HCRTR2: variants seen among roughly 807,000 people sequenced by gnomAD.
HCRTR2 encodes the protein orexin receptor type 2.
HCRTR2 carries 22 observed loss-of-function variants against 49.0 expected under a neutral mutation model. That is an observed-to-expected ratio of 0.45 (90% CI 0.32 to 0.64). HCRTR2 has a LOEUF of 0.64. HCRTR2 is among the 30% of genes least tolerant of loss of function. The probability of loss-of-function intolerance (pLI) is 0.04; values close to 1 mark genes in which losing one functional copy is unlikely to be tolerated. For synonymous variants in HCRTR2, 236 were observed against 205.3 expected, an observed-to-expected ratio of 1.15 and a Z score of -1.28; for missense variants, 491 against 559.4, an observed-to-expected ratio of 0.88 and a Z score of 1.23.
At chr6:55,223,815 C>T (rs1466860103) in intron 1 of HCRTR2, among the ~76,000 whole-genome samples, 1 of 151,986 alleles carries the variant, frequency 6.6e-6, no homozygotes, top group Non-Finnish European at 1.5e-5. Flanking sequence ...CTTCTTTTAC[C>T]TAATCAGCCA....
intron 1 of HCRTR2, among the ~76,000 whole-genome samples, chr6:55,231,387 A>G: frequency 6.6e-6 from 1 of 152,192 alleles, no homozygotes; most frequent in East Asian, 1.9e-4. Context: ...CATATAAAAT[A>G]CACTGCATTA....
intron 2 of HCRTR2, among the ~76,000 whole-genome samples, chr6:55,251,561 GA>G (rs1197432684): frequency 1.3e-5 from 2 of 151,618 alleles, no homozygotes; most frequent in Admixed American, 6.6e-5. Context: ...GAAAATGCCA[GA>G]AAAAAAAGAA....
intron 3 of HCRTR2, among the ~76,000 whole-genome samples, chr6:55,257,145 C>G (rs1359572141): frequency 1.3e-5 from 2 of 151,962 alleles, no homozygotes; most frequent in African/African-American, 4.8e-5. Context: ...GTTTCTGGAA[C>G]ATAGGGGCAG....
At chr6:55,145,863 C>G (rs974062429) in intron 1 of HCRTR2, among the ~76,000 whole-genome samples, 7 of 152,076 alleles carry the variant, frequency 4.6e-5, no homozygotes, top group African/African-American at 1.7e-4. Flanking sequence ...TTGGAGCTCT[C>G]TTTCCCCATA....
intron 1 of HCRTR2, among the ~76,000 whole-genome samples, chr6:55,147,330 T>C (rs1209766204): frequency 6.6e-6 from 1 of 152,170 alleles, no homozygotes; most frequent in Non-Finnish European, 1.5e-5. Flanking sequence ...CTAGTGAATG[T>C]ACAAGGGGAA....
At position 55,176,331 on chromosome 6, in the gene HCRTR2, A is replaced by C. The variant is rs370044656; in HGVS notation, c.223+1521A>C. 2.6e-4 allele frequency among the ~76,000 whole-genome samples: 40 copies of C among 152,324 alleles called. No homozygotes were observed. In the South Asian group the frequency reaches 7.7e-3, roughly 29 times the overall value. On this transcript the variant is annotated intron_variant, in intron 1 of 6. Coordinates refer to ENST00000370862, the MANE Select transcript of HCRTR2 (RefSeq NM_001384272.1). ...AAAATAAAGGAAATCTTTTTGGGAT[A>C]CTAACAAAATGAAACAAAAGTGGAA...
intron 1 of HCRTR2, among the ~76,000 whole-genome samples, chr6:55,242,397 T>A (rs1435680428): frequency 6.6e-6 from 1 of 151,576 alleles, no homozygotes; most frequent in Non-Finnish European, 1.5e-5. Context: ...GAAAAAAAAA[T>A]CTACTTTCTA....
At chr6:55,233,830 A>G (rs1766162836) in intron 1 of HCRTR2, among the ~76,000 whole-genome samples, 1 of 152,236 alleles carries the variant, frequency 6.6e-6, no homozygotes. Context: ...AACATGATTT[A>G]ATATTATTTA....
chr6:55,200,410 G>A (rs1339861891), intron 1 of HCRTR2, among the ~76,000 whole-genome samples: 2 of 151,848 alleles, frequency 1.3e-5, no homozygotes, highest in South Asian at 2.1e-4. Flanking sequence ...GAGTACAGGC[G>A]CACACCACCA....
rs55778468 is a variant in HCRTR2 at position 55,116,715 on chromosome 6, G to GAGAGA, written c.-378+10171_-378+10172insGAGAA. Among the ~76,000 whole-genome samples the GAGAGA allele has an allele frequency of 5.5e-3, 486 of 88,546 alleles. 11 individuals are homozygous for GAGAGA. The highest frequency in any genetic ancestry group is 0.018 in the African/African-American group (459 of 25,608). The allele number at this position is 88,546 out of a possible 152,430, so 58.1% of individuals were successfully genotyped here. The stretch of plus-strand genomic sequence containing the variant: ...CTGAACAGTACTGTAAAGAGAGAGA[G>GAGAGA]AAAAAAAAAAAAACTCTTATTCCAG... On this transcript the variant is annotated intron_variant, in intron 1 of 7. Coordinates refer to the HCRTR2 transcript ENST00000615358.
intron 1 of HCRTR2, among the ~76,000 whole-genome samples, chr6:55,202,682 G>T (rs922051221): frequency 6.6e-6 from 1 of 152,028 alleles, no homozygotes; most frequent in African/African-American, 2.4e-5. Flanking sequence ...GTTCATGAAG[G>T]CTCTGCTCTC....
intron 1 of HCRTR2, among the ~76,000 whole-genome samples, chr6:55,196,417 C>T (rs577664529): frequency 6.6e-6 from 1 of 152,158 alleles, no homozygotes; most frequent in Non-Finnish European, 1.5e-5. Flanking sequence ...CCCCACCTAA[C>T]CTTTAGCCAC....
At chr6:55,163,651 A>C (rs1322770844) in intron 1 of HCRTR2, among the ~76,000 whole-genome samples, 1 of 152,178 alleles carries the variant, frequency 6.6e-6, no homozygotes, top group Non-Finnish European at 1.5e-5. Context: ...ACTTAAACGT[A>C]AGACCTAAAA....
chr6:55,237,036 A>G (rs757144259), intron 1 of HCRTR2, among the ~76,000 whole-genome samples: 28 of 151,764 alleles, frequency 1.8e-4, no homozygotes, highest in Admixed American at 1.2e-3. Context: ...GATATTTTCT[A>G]TTAGTTTGTA....
intron 1 of HCRTR2, among the ~76,000 whole-genome samples, chr6:55,157,476 G>A (rs1363153279): frequency 6.6e-6 from 1 of 152,216 alleles, no homozygotes; most frequent in Non-Finnish European, 1.5e-5. Context: ...TGAAGGGAAG[G>A]ACACAAGTCT....
chr6:55,244,650 C>T (rs948778283), intron 1 of HCRTR2, among the ~76,000 whole-genome samples: 3 of 151,964 alleles, frequency 2.0e-5, no homozygotes, highest in South Asian at 2.1e-4. Flanking sequence ...CAACCTTGCA[C>T]GGGTGAGTGG....
chr6:55,203,214 G>T (rs1765541123), intron 1 of HCRTR2, among the ~76,000 whole-genome samples: 1 of 152,126 alleles, frequency 6.6e-6, no homozygotes, highest in Admixed American at 6.5e-5. Flanking sequence ...CTGAAGGATA[G>T]AATTTGTACT....
chr6:55,279,202 T>C (rs1221746461), intron 5 of HCRTR2, among the ~76,000 whole-genome samples: 2 of 152,142 alleles, frequency 1.3e-5, no homozygotes, highest in South Asian at 2.1e-4. Context: ...ACATTTTTTT[T>C]CAAATGCTTA....
intron 1 of HCRTR2, among the ~76,000 whole-genome samples, chr6:55,195,923 G>C (rs1017747715): frequency 5.9e-5 from 9 of 152,112 alleles, no homozygotes; most frequent in African/African-American, 1.9e-4. Flanking sequence ...AGTGAGCTGT[G>C]ATTGCACCAC....
Sources: gnomAD v4.1 joint callset for allele counts (sites outside exome capture counted in the v4.1 genomes callset) on GRCh38, gnomAD v4.1.1 for gene constraint, MANE v1.5 for transcripts, NCBI Gene and HGNC (gene_info 2026-07-23, HGNC 2026-07-21) for gene names.